The following SYNPO2 variants were observed in gnomAD, a reference collection of about 807,000 sequenced individuals.
SYNPO2 encodes synaptopodin-2.
In SYNPO2, 56 loss-of-function variants were observed where a neutral mutation model predicts 85.0. The ratio of observed to expected loss-of-function variants is 0.66; its 90% confidence interval spans 0.53 to 0.82. The LOEUF is 0.82. Ranked by LOEUF, SYNPO2 falls within the 40% of genes least tolerant of loss-of-function variation. The pLI is 0.00. For missense variants in SYNPO2, 1,575 were observed against 1,534.2 expected (o/e 1.03, Z -0.44); for synonymous variants, 602 against 591.1 (o/e 1.02, Z -0.27).
chr4:118,940,720 C>T (rs1012046670), intron 1 of SYNPO2, among the ~76,000 whole-genome samples: 6 of 152,096 alleles, frequency 3.9e-5, no homozygotes, highest in Non-Finnish European at 5.9e-5. Flanking sequence ...TCAACAAAGA[C>T]GCTGGACAGG....
At chr4:119,054,572 C>T (rs749793721) in intron 4 of SYNPO2, among the ~76,000 whole-genome samples, 4 of 152,202 alleles carry the variant, frequency 2.6e-5, no homozygotes, top group East Asian at 1.9e-4. Flanking sequence ...CCATCTCCCT[C>T]GAAGTCCAGC....
In SYNPO2 at chr4:119,031,481, TCC is replaced by T; in HGVS notation, c.2708_2709del (p.Pro903HisfsTer23). On this transcript the variant is annotated frameshift_variant, in exon 4 of 5. Transcript: ENST00000307142. LOFTEE classifies it high-confidence loss of function. The part of the protein sequence containing the change: ...VQAHAARAQS[P>X]TPSLPASWKY... Reference sequence around the variant, plus strand: ...AGGCCCACGCTGCTCGAGCTCAGTCTCCCACTCCATCTCTCCCGGCCAGTTGG... The same window carrying T: ...AGGCCCACGCTGCTCGAGCTCAGTCTCACTCCATCTCTCCCGGCCAGTTGG... 6.2e-7 allele frequency: 1 copy of T among 1,614,096 alleles called. No individual in the cohort carries two copies. The highest frequency in any genetic ancestry group is 8.5e-7 in the Non-Finnish European group (1 of 1,180,018).
At chr4:119,026,200 G>C (rs111879104) in intron 2 of SYNPO2, among the ~76,000 whole-genome samples, 18 of 152,298 alleles carry the variant, frequency 1.2e-4, no homozygotes, top group Middle Eastern at 6.8e-3. Flanking sequence ...AGTTAAGATT[G>C]ATCTGAAGGT....
chr4:118,959,983 T>C (rs1735018754), intron 1 of SYNPO2, among the ~76,000 whole-genome samples: 1 of 152,202 alleles, frequency 6.6e-6, no homozygotes, highest in African/African-American at 2.4e-5. Flanking sequence ...AGGTGGGTTC[T>C]ATCCTTGTAA....
intron 4 of SYNPO2, chr4:119,038,421 TTC>T: frequency 3.0e-6 from 3 of 985,426 alleles, no homozygotes; most frequent in Non-Finnish European, 3.6e-6. Context: ...TCAAAATTCT[TTC>T]ATTTTCTTAT....
At chr4:118,985,224 T>A (rs1431188147) in intron 1 of SYNPO2, among the ~76,000 whole-genome samples, 2 of 152,188 alleles carry the variant, frequency 1.3e-5, no homozygotes, top group African/African-American at 4.8e-5. Flanking sequence ...CAGATAATCC[T>A]TGAGGTTTGA....
intron 4 of SYNPO2, among the ~76,000 whole-genome samples, chr4:119,053,940 A>G (rs1252574864): frequency 1.3e-5 from 2 of 152,054 alleles, no homozygotes; most frequent in African/African-American, 4.8e-5. Context: ...AGCTCCCTTT[A>G]TCTATTGCCA....
rs1184960262 is a variant in SYNPO2, at chr4:118,927,713, TA to T, written c.105+38573del. Among the ~76,000 whole-genome samples the T allele has an allele frequency of 5.2e-4, 74 of 142,058 alleles. 1 individual carries two copies. The highest frequency in any genetic ancestry group is 5.1e-3 in the Admixed American group (74 of 14,450). The allele number at this position is 142,058 out of a possible 152,430, so 93.2% of individuals were successfully genotyped here. A position where few individuals can be genotyped will look rare whatever the true frequency, so the allele number is the denominator to read the frequency against. On this transcript the variant is annotated intron_variant, in intron 1 of 4. Coordinates refer to ENST00000307142, the MANE Select transcript of SYNPO2 (RefSeq NM_133477.3). ...TTAAACAATGAGATAGATAGATAGATAGATAGATAGATAGATAGATAGATAG... is the reference window on the plus strand; with the variant it reads ...TTAAACAATGAGATAGATAGATAGATGATAGATAGATAGATAGATAGATAG...
intron 1 of SYNPO2, among the ~76,000 whole-genome samples, chr4:118,930,198 C>G (rs1177058826): frequency 6.6e-6 from 1 of 152,140 alleles, no homozygotes; most frequent in East Asian, 1.9e-4. Flanking sequence ...TTAATCCTCA[C>G]AAAAGTCCTA....
intron 1 of SYNPO2, among the ~76,000 whole-genome samples, chr4:118,904,280 T>C (rs1387299487): frequency 2.6e-5 from 4 of 152,294 alleles, no homozygotes; most frequent in Admixed American, 2.0e-4. Context: ...TCTAATTTTA[T>C]CTAACTAACT....
intron 1 of SYNPO2, among the ~76,000 whole-genome samples, chr4:118,916,844 A>C (rs11098463): frequency 0.98 from 148,013 of 151,570 alleles, 72,365 homozygotes; most frequent in East Asian, 1. Flanking sequence ...GTAATCCTTC[A>C]ACTTCAGCCT....
intron 1 of SYNPO2, among the ~76,000 whole-genome samples, chr4:118,909,536 G>C (rs1733062249): frequency 6.6e-6 from 1 of 152,192 alleles, no homozygotes; most frequent in South Asian, 2.1e-4. Flanking sequence ...CCAGAGTCCA[G>C]GTGCTAATGT....
chr4:119,047,629 A>G (rs1046072822), intron 4 of SYNPO2, among the ~76,000 whole-genome samples: 6 of 152,250 alleles, frequency 3.9e-5, no homozygotes, highest in Non-Finnish European at 7.3e-5. Context: ...AGACTAGAAC[A>G]AAATGACCTT....
intron 4 of SYNPO2, chr4:119,037,821 T>A (rs1049014665): frequency 1.8e-5 from 4 of 217,728 alleles, no homozygotes; most frequent in Admixed American, 1.3e-4. Flanking sequence ...ATGATCATTA[T>A]CCCCATTTTA....
intron 1 of SYNPO2, among the ~76,000 whole-genome samples, chr4:118,941,079 C>T (rs6849210): frequency 0.58 from 87,781 of 151,850 alleles, 26,083 homozygotes; most frequent in Admixed American, 0.73. Context: ...GAGTATTGGA[C>T]ATGTCGACTT....
chr4:119,045,311 A>C (rs1176146457), intron 4 of SYNPO2, among the ~76,000 whole-genome samples: 2 of 152,160 alleles, frequency 1.3e-5, no homozygotes, highest in African/African-American at 4.8e-5. Flanking sequence ...AACTTCCCAC[A>C]TGCTGGATGC....
At chr4:118,983,042 A>T (rs1736089534) in intron 1 of SYNPO2, among the ~76,000 whole-genome samples, 2 of 146,434 alleles carry the variant, frequency 1.4e-5, no homozygotes, top group African/African-American at 2.5e-5. Flanking sequence ...TATCCTATCA[A>T]ATTGCTTTCT....
At chr4:118,970,189 C>A (rs1056510342) in intron 1 of SYNPO2, among the ~76,000 whole-genome samples, 4 of 152,184 alleles carry the variant, frequency 2.6e-5, no homozygotes, top group Non-Finnish European at 5.9e-5. Flanking sequence ...CAACAGATTT[C>A]ATTCTCTTAA....
chr4:118,912,102 C>G (rs1371406088), intron 1 of SYNPO2, among the ~76,000 whole-genome samples: 2 of 152,184 alleles, frequency 1.3e-5, no homozygotes, highest in Non-Finnish European at 2.9e-5. Flanking sequence ...AAATAAACCA[C>G]TAGCCTTTAA....
Sources: allele counts gnomAD v4.1 joint callset (sites outside exome capture counted in the v4.1 genomes callset), GRCh38; gene constraint gnomAD v4.1.1; transcripts MANE v1.5; gene names NCBI Gene and HGNC (gene_info 2026-07-23, HGNC 2026-07-21).